Variants in POTEF observed in about 807,000 individuals in gnomAD.
POTEF encodes ANKRD26-like family C member 1B.
A neutral mutation model predicts 83.2 loss-of-function variants in POTEF; 20 were observed. That is an observed-to-expected ratio of 0.24 (90% confidence interval 0.17 to 0.35). The LOEUF (loss-of-function observed/expected upper bound fraction) is 0.35. POTEF is among the 10% of genes least tolerant of loss of function. The pLI is 1.00. For synonymous variants in POTEF, 196 were observed against 446.4 expected (o/e 0.44, Z 7.07); for missense variants, 550 against 1,203.2 (o/e 0.46, Z 8.03).
chr2:130,128,099 G>A (rs1302673218), intron 1 of POTEF, among the ~76,000 whole-genome samples: 1 of 147,266 alleles, frequency 6.8e-6, no homozygotes, highest in East Asian at 2.0e-4. Flanking sequence ...GCACTCCTTG[G>A]GGAGCAGGAG....
At chr2:130,087,631 A>C (rs1318831604) in intron 13 of POTEF, among the ~76,000 whole-genome samples, 9 of 139,248 alleles carry the variant, frequency 6.5e-5, no homozygotes, top group Non-Finnish European at 1.2e-4. Flanking sequence ...AATCTATTAA[A>C]ATTTTTTTTT....
rs1573602549 is a variant in POTEF at position 130,100,788 on chromosome 2, C to T, written c.1198-68G>A. On this transcript the variant is annotated intron_variant, in intron 9 of 16. Transcript: ENST00000409914. ...CTGTGATGTGTCCTCTTTTGGAGCGCATGTTTTAAAAAAATTTTATTCTTA... is the reference window on the plus strand; with the variant it reads ...CTGTGATGTGTCCTCTTTTGGAGCGTATGTTTTAAAAAAATTTTATTCTTA... 7 of 1,560,954 alleles carry T rather than the reference C, an allele frequency of 4.5e-6. No individual in the cohort carries two copies. In the East Asian group the frequency reaches 9.3e-5, roughly 21 times the overall value.
intron 3 of POTEF, among the ~76,000 whole-genome samples, chr2:130,118,332 T>C (rs1041727823): frequency 1.1e-4 from 16 of 151,958 alleles, no homozygotes; most frequent in Non-Finnish European, 8.8e-5. Flanking sequence ...TCTTTTCCTA[T>C]GTGCATAGGT....
At chr2:130,118,706 T>C (rs1201865920) in intron 3 of POTEF, among the ~76,000 whole-genome samples, 1 of 151,344 alleles carries the variant, frequency 6.6e-6, no homozygotes, top group Non-Finnish European at 1.5e-5. Flanking sequence ...AAAAAAAGTA[T>C]ATATATAAAT....
Position 130,075,331 on chromosome 2 carries a change from G to C in POTEF, c.2141C>G (p.Ser714Cys), listed in dbSNP as rs539200891. 1 of 1,612,638 alleles carries C rather than the reference G, an allele frequency of 6.2e-7. No homozygotes were observed. The highest frequency in any genetic ancestry group is 2.2e-5 in the East Asian group (1 of 44,872). The change falls in exon 17 of 17, where the codon TCT (serine) becomes TGT (cysteine). Residue 714 changes from serine to cysteine, a missense_variant. Ser to Cys is a moderately radical substitution (Grantham distance 112). Coordinates refer to ENST00000409914, the MANE Select transcript of POTEF (RefSeq NM_001099771.2). ...CGCAAAGCCGGCCTTGCACATGCCAGAGCCGTTGTCAATGACGAGCACAGC... is the reference window on the plus strand; with the variant it reads ...CGCAAAGCCGGCCTTGCACATGCCACAGCCGTTGTCAATGACGAGCACAGC... ...DTAVLVIDNG[S>C]GMCKAGFAGD...
At chr2:130,126,321 A>G (rs1303117913) in intron 2 of POTEF, among the ~76,000 whole-genome samples, 2,680 of 146,030 alleles carry the variant, frequency 0.018, 4 homozygotes, top group African/African-American at 0.062. Context: ...AAAAAAAAAA[A>G]AAAGAAAGAA....
chr2:130,075,062 G>A lies in POTEF; in HGVS notation c.2410C>T (p.Leu804=). The change falls in exon 17 of 17, where the codon CTG becomes TTG. Residue 804 remains leucine (L), a synonymous_variant. Transcript: ENST00000409914. ...GGGTTCAGGGTGGCCTCGGTCAGCA[G>A]GACGGGGTGCTCCTCGGGAGCCACA... is the stretch of plus-strand genomic sequence containing the variant. ...LRVAPEEHPV[L]LTEATLNPKA... is the part of the protein sequence containing the mutation. 1 of 1,613,868 alleles carries A rather than the reference G, an allele frequency of 6.2e-7. No individual in the cohort carries two copies.
intron 2 of POTEF, among the ~76,000 whole-genome samples, chr2:130,123,356 T>C (rs576203777): frequency 2.0e-5 from 3 of 151,914 alleles, no homozygotes; most frequent in Non-Finnish European, 4.4e-5. Context: ...CCAAAGGTGA[T>C]ATTAACAGAT....
At chr2:130,128,657 C>T (rs573283958) in intron 1 of POTEF, among the ~76,000 whole-genome samples, 2 of 152,240 alleles carry the variant, frequency 1.3e-5, no homozygotes, top group South Asian at 2.1e-4. Flanking sequence ...TCGCCGCCCC[C>T]ACCCCACCAC....
At chr2:130,128,784 C>T (rs1381172138) in intron 1 of POTEF, among the ~76,000 whole-genome samples, 1 of 138,776 alleles carries the variant, frequency 7.2e-6, no homozygotes, top group Non-Finnish European at 1.5e-5. Context: ...AAAACCACTC[C>T]CTGCCCCGGG....
intron 9 of POTEF, among the ~76,000 whole-genome samples, chr2:130,101,582 A>ATGAC (rs1383842732): frequency 6.7e-6 from 1 of 150,240 alleles, no homozygotes; most frequent in Non-Finnish European, 1.5e-5. Flanking sequence ...CTTGGTATCA[A>ATGAC]TGACTGACAA....
chr2:130,075,011 G>C lies in POTEF; in HGVS notation c.2461C>G (p.Gln821Glu), dbSNP rs1683741981. The change falls in exon 17 of 17, where the codon CAG (glutamine) becomes GAG (glutamate). Residue 821 changes from glutamine to glutamate, a missense_variant. Physicochemically the swap from Gln to Glu is conservative, Grantham distance 29. Coordinates refer to ENST00000409914, the MANE Select transcript of POTEF (RefSeq NM_001099771.2). ...NPKANREKMT[Q>E]IMFETFNTPA... ...GTGTTGAAGGTCTCAAACATGATCT[G>C]GGTCATCTTCTCGCGGTTGGCCTTA... 2 of 1,613,380 alleles carry C rather than the reference G, an allele frequency of 1.2e-6. No homozygotes were observed. Among genetic ancestry groups the C allele is most frequent in the Non-Finnish European group, 1.7e-6 (2 of 1,179,928 alleles).
chr2:130,128,462 T>A (rs1342520136), intron 1 of POTEF, among the ~76,000 whole-genome samples: 1 of 144,428 alleles, frequency 6.9e-6, no homozygotes, highest in Non-Finnish European at 1.5e-5. Context: ...ATAGCAACCC[T>A]AACCTGACCC....
intron 2 of POTEF, among the ~76,000 whole-genome samples, chr2:130,127,197 CGCCTGTAGTCCCA>C (rs1685111992): frequency 6.6e-6 from 1 of 150,590 alleles, no homozygotes; most frequent in African/African-American, 2.5e-5. Context: ...TGGTGGCAGG[CGCCTGTAGTCCCA>C]GCTACTAGGG....
intron 8 of POTEF, among the ~76,000 whole-genome samples, chr2:130,105,964 A>G (rs1445090583): frequency 6.6e-6 from 1 of 150,962 alleles, no homozygotes; most frequent in Non-Finnish European, 1.5e-5. Context: ...TTTGGGAATG[A>G]GCATGTGGTG....
At chr2:130,075,618 A>T (rs1206390804) in intron 16 of POTEF, 46 bp from the exon 17 acceptor site, 1 of 1,573,470 alleles carries the variant, frequency 6.4e-7, no homozygotes. Context: ...ATAGATTGAC[A>T]TATCATGATT....
intron 15 of POTEF, among the ~76,000 whole-genome samples, chr2:130,080,204 C>A: frequency 1.0e-5 from 1 of 99,000 alleles, no homozygotes; most frequent in Non-Finnish European, 2.0e-5. Context: ...ATTTATAATT[C>A]AAAATAGCAA....
At chr2:130,116,856 G>C (rs1210558518) in intron 3 of POTEF, among the ~76,000 whole-genome samples, 2 of 103,270 alleles carry the variant, frequency 1.9e-5, no homozygotes, top group Non-Finnish European at 1.9e-5. Context: ...AAAGGAGGGA[G>C]GAAAAGCTTC....
At position 130,120,312 on chromosome 2, in the gene POTEF, G is replaced by A; in HGVS notation, c.204C>T (p.Cys68=). Residue 68 remains cysteine (C), a synonymous_variant, in exon 3 of 17, where the codon TGC becomes TGT. Coordinates refer to ENST00000409914, the MANE Select transcript of POTEF (RefSeq NM_001099771.2). ...RSKMGKWCRH[C]FPCCRGSGKS... Reference sequence around the variant, plus strand: ...TGCCACTCCCCCTGCAGCAGGGGAAGCAGTGGCGGCACCACTTGCCCATCT... The same window carrying A: ...TGCCACTCCCCCTGCAGCAGGGGAAACAGTGGCGGCACCACTTGCCCATCT... 6.2e-7 allele frequency: 1 copy of A among 1,606,232 alleles called. No individual in the cohort carries two copies. The highest frequency in any genetic ancestry group is 8.5e-7 in the Non-Finnish European group (1 of 1,179,182).
Sources: allele counts gnomAD v4.1 joint callset (sites outside exome capture counted in the v4.1 genomes callset), GRCh38; gene constraint gnomAD v4.1.1; transcripts MANE v1.5; gene names NCBI Gene and HGNC (gene_info 2026-07-23, HGNC 2026-07-21).